Variants in HTR6 observed in about 807,000 individuals in gnomAD.
The protein encoded by HTR6 is 5-hydroxytryptamine (serotonin) receptor 6, G protein-coupled.
HTR6 carries 15 observed loss-of-function variants against 17.4 expected under a neutral mutation model. That is an observed-to-expected ratio of 0.86 (90% confidence interval 0.58 to 1.33). The LOEUF (loss-of-function observed/expected upper bound fraction) is 1.33, where lower values mean the gene tolerates loss of function less well. Among genes scored for constraint, HTR6 ranks in the 40% most tolerant of loss-of-function variants. HTR6 has a pLI of 0.00. For missense variants in HTR6, 578 were observed against 616.0 expected (o/e 0.94, Z 0.65); for synonymous variants, 326 against 295.5 (o/e 1.10, Z -1.06).
At chr1:19,673,860 C>CTTTTTTTTTTTTTTT (rs549470101) in intron 1 of HTR6, among the ~76,000 whole-genome samples, 2 of 128,354 alleles carry the variant, frequency 1.6e-5, no homozygotes, top group Non-Finnish European at 3.3e-5. Flanking sequence ...CCTTCTAGGT[C>CTTTTTTTTTTTTTTT]TTTTTTTTTT....
At chr1:19,667,055 G>T (rs1468931419) in intron 1 of HTR6, among the ~76,000 whole-genome samples, 1 of 152,048 alleles carries the variant, frequency 6.6e-6, no homozygotes, top group African/African-American at 2.4e-5. Context: ...CCTGTCTCAG[G>T]ATCTGGCCTC....
In HTR6 at chr1:19,665,170, A is replaced by ATCCCGGTGCCTCCGCGCCAGC. The variant is rs2095079351; in HGVS notation, c.-582_-562dup. On this transcript the variant is annotated 5_prime_UTR_variant, in exon 1 of 3. Transcript: ENST00000289753. This position sits in a 1 kb window ranked among gnomAD's most constrained non-coding sequence, Gnocchi z 4.2. ...GCGCCGCACAGGCCGTGTGCGCCGGATCCCGGTGCCTCCGCGCCAGCTGAG... is the reference window on the plus strand; with the variant it reads ...GCGCCGCACAGGCCGTGTGCGCCGGATCCCGGTGCCTCCGCGCCAGCTCCCGGTGCCTCCGCGCCAGCTGAG... The ATCCCGGTGCCTCCGCGCCAGC allele has an allele frequency of 6.6e-6, 1 of 151,750 alleles. No homozygotes were observed. The highest frequency in any genetic ancestry group is 2.4e-5 in the African/African-American group (1 of 41,312). 9.4% of individuals were successfully genotyped at this position (151,750 alleles called of 1,614,324 possible). A position where few individuals can be genotyped will look rare whatever the true frequency, so the allele number is the denominator to read the frequency against.
Position 19,666,124 on chromosome 1 carries a change from G to A in HTR6, c.371G>A (p.Arg124His), listed in dbSNP as rs1266137858. ...ILNLCLISLD[R>H]YLLILSPLRY... ...AACCTCTGCCTCATCAGCCTGGACC[G>A]CTACCTGCTCATCCTCTCGCCGCTG... is the stretch of plus-strand genomic sequence containing the variant. The change falls in exon 1 of 3, where the codon CGC becomes CAC. Residue 124 changes from arginine to histidine, a missense_variant. Coordinates refer to ENST00000289753, the MANE Select transcript of HTR6 (RefSeq NM_000871.3). The surrounding 1 kb of genome is among the most constrained non-coding windows in gnomAD (Gnocchi z 4.5). 28 of 1,612,034 alleles carry A rather than the reference G, an allele frequency of 1.7e-5. No individual in the cohort carries two copies. The highest frequency in any genetic ancestry group is 2.2e-5 in the Non-Finnish European group (26 of 1,179,894).
chr1:19,666,563 C>A lies in HTR6; in HGVS notation c.714+96C>A. 1 of 897,948 alleles carries A rather than the reference C, an allele frequency of 1.1e-6. No individual in the cohort carries two copies. The highest frequency in any genetic ancestry group is 1.7e-6 in the Non-Finnish European group (1 of 604,168). 55.6% of individuals were successfully genotyped at this position (897,948 alleles called of 1,614,324 possible). A position where few individuals can be genotyped will look rare whatever the true frequency, so the allele number is the denominator to read the frequency against. On this transcript the variant is annotated intron_variant, in intron 1 of 2. Transcript: ENST00000289753. The surrounding 1 kb of genome is among the most constrained non-coding windows in gnomAD (Gnocchi z 4.5). ...GGCATCCCCACTTAGCACACATTTGCTCATGGCCCTGCGTGGCTGTTGTGA... is the reference window on the plus strand; with the variant it reads ...GGCATCCCCACTTAGCACACATTTGATCATGGCCCTGCGTGGCTGTTGTGA...
chr1:19,678,442 G>T, intron 1 of HTR6, 125 bp from the exon 2 acceptor site: 1 of 1,195,204 alleles, frequency 8.4e-7, no homozygotes. Context: ...TCAAGGAACA[G>T]GGCCCAGTTT....
In HTR6 at chr1:19,678,919, G is replaced by T. The variant is rs770569992; in HGVS notation, c.874G>T (p.Ala292Ser). ...GGCATGATGCATCCCCTCCCCCCAG[G>T]CCGTGTGCGACTGCATCTCCCCAGG... ...LPFFVANIVQAVCDCISPGLF... is the reference protein window; with the variant it reads ...LPFFVANIVQSVCDCISPGLF... The change falls in exon 3 of 3, where the codon GCC (alanine) becomes TCC (serine). Residue 292 changes from alanine to serine, a missense_variant and splice_region_variant. Coordinates refer to ENST00000289753, the MANE Select transcript of HTR6 (RefSeq NM_000871.3). 1 of 1,594,372 alleles carries T rather than the reference G, an allele frequency of 6.3e-7. No individual in the cohort carries two copies. The highest frequency in any genetic ancestry group is 8.6e-7 in the Non-Finnish European group (1 of 1,166,676).
Position 19,670,124 on chromosome 1 carries a change from A to T in HTR6, c.714+3657A>T, listed in dbSNP as rs193146277. Among the ~76,000 whole-genome samples, 77 of 152,050 alleles carry T rather than the reference A, an allele frequency of 5.1e-4. 1 individual carries two copies. The highest frequency in any genetic ancestry group is 3.4e-3 in the Middle Eastern group (1 of 294). ...CCTGCTTGTTTCTTCTCTTTCAGCC[A>T]TACTGGCCTCCTTGCTGTTCCTTGA... On this transcript the variant is annotated intron_variant, in intron 1 of 2. Coordinates refer to ENST00000289753, the MANE Select transcript of HTR6 (RefSeq NM_000871.3).
chr1:19,665,895 A>T lies in HTR6; in HGVS notation c.142A>T (p.Ile48Phe). The change falls in exon 1 of 3, where the codon ATC becomes TTC. Residue 48 changes from isoleucine to phenylalanine, a missense_variant. Ile to Phe is a conservative substitution (Grantham distance 21, BLOSUM62 0). Coordinates refer to ENST00000289753, the MANE Select transcript of HTR6 (RefSeq NM_000871.3). This position sits in a 1 kb window ranked among gnomAD's most constrained non-coding sequence, Gnocchi z 4.2. ...GACGGCGGCGGCCAACTCGCTGCTGATCGCGCTCATCTGCACTCAGCCCGC... is the reference window on the plus strand; with the variant it reads ...GACGGCGGCGGCCAACTCGCTGCTGTTCGCGCTCATCTGCACTCAGCCCGC... ...ALTAAANSLL[I>F]ALICTQPALR... is the part of the protein sequence containing the mutation. The T allele has an allele frequency of 1.9e-6, 3 of 1,611,246 alleles. No homozygotes were observed. Among genetic ancestry groups the T allele is most frequent in the South Asian group, 1.1e-5 (1 of 90,832 alleles).
intron 1 of HTR6, 47 bp from the exon 2 acceptor site, chr1:19,678,520 G>T: frequency 6.2e-7 from 1 of 1,609,870 alleles, no homozygotes. Context: ...ATCAGGGTCA[G>T]ACGGGGGCCC....
chr1:19,679,088 T>G lies in HTR6; in HGVS notation c.1043T>G (p.Leu348Arg). The change falls in exon 3 of 3, where the codon CTG (leucine) becomes CGG (arginine). Residue 348 changes from leucine (L) to arginine (R), a missense_variant. Leu to Arg is a moderately radical substitution (Grantham distance 102). Transcript: ENST00000289753. This position sits in a 1 kb window ranked among gnomAD's most constrained non-coding sequence, Gnocchi z 4.9. ...PRCPRERQAS[L>R]ASPSLRTSHS... ...TGTCCCCGGGAGCGCCAGGCCAGCC[T>G]GGCCTCGCCATCACTGCGCACCTCT... 6.2e-7 allele frequency: 1 copy of G among 1,613,798 alleles called. No homozygotes were observed. Among genetic ancestry groups the G allele is most frequent in the African/African-American group, 1.3e-5 (1 of 75,056 alleles).
rs1483658776 is a variant in HTR6, at chr1:19,665,458, A to AG, written c.-292dup. The stretch of plus-strand genomic sequence containing the variant: ...TGCTTGACTTCCCGCCGCTTCCTTC[A>AG]GGGGCCTCGGCTCATCGGGTGCCCC... On this transcript the variant is annotated 5_prime_UTR_variant, in exon 1 of 3. Transcript: ENST00000289753. This position sits in a 1 kb window ranked among gnomAD's most constrained non-coding sequence, Gnocchi z 4.2. The AG allele has an allele frequency of 1.2e-5, 4 of 336,756 alleles. No individual in the cohort carries two copies. Among genetic ancestry groups the AG allele is most frequent in the African/African-American group, 2.2e-5 (1 of 46,452 alleles). The allele number at this position is 336,756 out of a possible 1,614,324, so 20.9% of individuals were successfully genotyped here. A position where few individuals can be genotyped will look rare whatever the true frequency, so the allele number is the denominator to read the frequency against.
At chr1:19,670,376 G>A (rs540045336) in intron 1 of HTR6, among the ~76,000 whole-genome samples, 7 of 151,406 alleles carry the variant, frequency 4.6e-5, no homozygotes, top group South Asian at 2.1e-4. Flanking sequence ...ACCCCCTGAC[G>A]TGTTCTATAC....
Position 19,666,297 on chromosome 1 carries a change from C to T in HTR6, c.544C>T (p.Leu182=), listed in dbSNP as rs1557427247. The part of the protein sequence containing the change: ...ARPPVPGQCR[L]LASLPFVLVA... ...GCCACCCGTCCCTGGCCAGTGCCGC[C>T]TGCTGGCCAGCCTGCCTTTTGTCCT... The change falls in exon 1 of 3, where the codon CTG becomes TTG. Residue 182 remains leucine, a synonymous_variant. Transcript: ENST00000289753. This position sits in a 1 kb window ranked among gnomAD's most constrained non-coding sequence, Gnocchi z 4.5. 2 of 1,612,866 alleles carry T rather than the reference C, an allele frequency of 1.2e-6. No homozygotes were observed. Among genetic ancestry groups the T allele is most frequent in the Non-Finnish European group, 1.7e-6 (2 of 1,179,924 alleles).
chr1:19,680,871 CG>C lies in HTR6; in HGVS notation c.*1505del, dbSNP rs2095101635. ...TGCTGATGAGACACAACTCTGGCCC[CG>C]GCGGCTGGCCTCTGAGGGGCCATGG... On this transcript the variant is annotated 3_prime_UTR_variant, in exon 3 of 3. Coordinates refer to ENST00000289753, the MANE Select transcript of HTR6 (RefSeq NM_000871.3). 6.6e-6 allele frequency among the ~76,000 whole-genome samples: 1 copy of C among 152,220 alleles called. No homozygotes were observed.
intron 1 of HTR6, among the ~76,000 whole-genome samples, chr1:19,670,467 CT>C (rs34145209): frequency 0.2 from 26,929 of 137,416 alleles, 2,536 homozygotes; most frequent in African/African-American, 0.29. Flanking sequence ...GTTTTTCTGC[CT>C]TTTTTTTTTT....
At chr1:19,675,718 C>G (rs919067474) in intron 1 of HTR6, among the ~76,000 whole-genome samples, 1 of 152,074 alleles carries the variant, frequency 6.6e-6, no homozygotes, top group African/African-American at 2.4e-5. Context: ...CAGAGCGATG[C>G]CTGGATGAGA....
intron 1 of HTR6, among the ~76,000 whole-genome samples, chr1:19,676,822 C>T (rs751823848): frequency 1.3e-5 from 2 of 152,204 alleles, no homozygotes; most frequent in African/African-American, 4.8e-5. Flanking sequence ...GCCTCGAGAA[C>T]TAAGCAGGGC....
chr1:19,665,778 G>A lies in HTR6; in HGVS notation c.25G>A (p.Ala9Thr). The change falls in exon 1 of 3, where the codon GCC becomes ACC. Residue 9 changes from alanine (A) to threonine (T), a missense_variant. Physicochemically the swap from Ala to Thr is moderately conservative, Grantham distance 58. Transcript: ENST00000289753. The surrounding 1 kb of genome is among the most constrained non-coding windows in gnomAD (Gnocchi z 4.2). MVPEPGPTANSTPAWGAGP... is the reference protein window; with the variant it reads MVPEPGPTTNSTPAWGAGP... ...CATGGTCCCAGAGCCGGGCCCAACC[G>A]CCAATAGCACCCCGGCCTGGGGGGC... 2 of 1,499,322 alleles carry A rather than the reference G, an allele frequency of 1.3e-6. No homozygotes were observed. Among genetic ancestry groups the A allele is most frequent in the Admixed American group, 2.5e-5 (1 of 40,296 alleles). The allele number at this position is 1,499,322 out of a possible 1,614,324, so 92.9% of individuals were successfully genotyped here. A position where few individuals can be genotyped will look rare whatever the true frequency, so the allele number is the denominator to read the frequency against.
At chr1:19,669,888 G>A (rs188936394) in intron 1 of HTR6, among the ~76,000 whole-genome samples, 5 of 152,160 alleles carry the variant, frequency 3.3e-5, no homozygotes, top group Non-Finnish European at 5.9e-5. Flanking sequence ...TGCTAGCCTC[G>A]GCCTCCCAAA....
Sources: allele counts gnomAD v4.1 joint callset (sites outside exome capture counted in the v4.1 genomes callset), GRCh38; gene constraint gnomAD v4.1.1; non-coding constraint Gnocchi (gnomAD v3.1); transcripts MANE v1.5; gene names NCBI Gene and HGNC (gene_info 2026-07-23, HGNC 2026-07-21).